The following SPRED2 variants were observed in gnomAD, a reference collection of about 807,000 sequenced individuals.
SPRED2 encodes the protein sprouty related EVH1 domain containing 2, also known as sprouty-related, EVH1 domain-containing protein 2.
Under a neutral mutation model 43.0 loss-of-function variants are expected in SPRED2, and 47 were observed. That is an observed-to-expected ratio of 1.09 (90% CI 0.87 to 1.40). SPRED2 has a LOEUF of 1.40. SPRED2 is among the 40% of genes most tolerant of loss of function. The pLI is 0.00. For synonymous variants in SPRED2, 225 were observed against 225.7 expected (o/e 1.00, Z 0.03); for missense variants, 561 against 586.4 (o/e 0.96, Z 0.45).
At chr2:65,309,498 C>A (rs754568389), downstream of SPRED2, among the ~76,000 whole-genome samples, 10 of 130,528 alleles carry the variant, frequency 7.7e-5, no homozygotes, top group Admixed American at 4.6e-4. Context: ...AGAGTGAGAC[C>A]CTGTCTCAAA....
chr2:65,401,682 C>T (rs1319769630), intron 1 of SPRED2, among the ~76,000 whole-genome samples: 1 of 151,856 alleles, frequency 6.6e-6, no homozygotes, highest in African/African-American at 2.4e-5. Flanking sequence ...CGCCTGTAGT[C>T]CCAGCCACTC....
intron 1 of SPRED2, among the ~76,000 whole-genome samples, chr2:65,372,027 C>A (rs576112505): frequency 6.6e-6 from 1 of 151,786 alleles, no homozygotes; most frequent in Non-Finnish European, 1.5e-5. Context: ...GAACAGAGAT[C>A]GCACCACTGC....
At chr2:65,322,063 C>T (rs1432934137) in intron 4 of SPRED2, among the ~76,000 whole-genome samples, 1 of 151,934 alleles carries the variant, frequency 6.6e-6, no homozygotes, top group African/African-American at 2.4e-5. Context: ...GGATGAGCTA[C>T]CACGCCTGGC....
intron 3 of SPRED2, among the ~76,000 whole-genome samples, chr2:65,333,509 G>C (rs1200971107): frequency 6.6e-6 from 1 of 152,044 alleles, no homozygotes; most frequent in East Asian, 1.9e-4. Flanking sequence ...TATGTATATA[G>C]AGAAAAAAAT....
At chr2:65,407,061 G>A (rs1558687656) in intron 1 of SPRED2, among the ~76,000 whole-genome samples, 1 of 151,858 alleles carries the variant, frequency 6.6e-6, no homozygotes, top group Non-Finnish European at 1.5e-5. Flanking sequence ...CTGAGTAGCT[G>A]GGACTACAGG....
intron 1 of SPRED2, among the ~76,000 whole-genome samples, chr2:65,372,303 A>G (rs1023526100): frequency 2.6e-5 from 4 of 152,186 alleles, no homozygotes; most frequent in Non-Finnish European, 5.9e-5. Context: ...TTGTCTAGAT[A>G]GTCTGAGTTT....
intron 1 of SPRED2, among the ~76,000 whole-genome samples, chr2:65,357,317 G>A (rs890590102): frequency 6.6e-6 from 1 of 152,178 alleles, no homozygotes; most frequent in African/African-American, 2.4e-5. Context: ...TTCCCTCCTG[G>A]AGAGTGGTAT....
chr2:65,407,016 C>T lies in SPRED2; in HGVS notation c.26+24946G>A, dbSNP rs1051334078. On this transcript the variant is annotated intron_variant, in intron 1 of 5. Transcript: ENST00000356388. ...CCATCTCGGCTCACTGCAAGCTCCA[C>T]CTCCTGGGTTCACGCCATTCTCCTG... Among the ~76,000 whole-genome samples, 4 of 151,930 alleles carry T rather than the reference C, an allele frequency of 2.6e-5. No individual in the cohort carries two copies. The South Asian group carries it at 6.2e-4, about 24-fold the overall frequency.
intron 1 of SPRED2, among the ~76,000 whole-genome samples, chr2:65,372,999 C>T (rs977425206): frequency 1.3e-5 from 2 of 152,242 alleles, no homozygotes; most frequent in African/African-American, 2.4e-5. Flanking sequence ...GTAAACCTTT[C>T]ACATGGAAGC....
At chr2:65,381,825 C>A (rs1443009530) in intron 1 of SPRED2, among the ~76,000 whole-genome samples, 1 of 152,192 alleles carries the variant, frequency 6.6e-6, no homozygotes, top group Non-Finnish European at 1.5e-5. Context: ...ACATGAGACT[C>A]CTCCTTGCAA....
chr2:65,408,737 C>T (rs565126730), intron 1 of SPRED2, among the ~76,000 whole-genome samples: 7 of 152,164 alleles, frequency 4.6e-5, no homozygotes, highest in Admixed American at 6.5e-5. Context: ...CGTGCCACCA[C>T]ACCCAGCTAA....
In SPRED2 at chr2:65,310,979, T is replaced by C; in HGVS notation, c.*2522A>G. The C allele has an allele frequency of 3.1e-6, 3 of 983,140 alleles. No homozygotes were observed. The highest frequency in any genetic ancestry group is 3.6e-6 in the Non-Finnish European group (3 of 827,434). 60.9% of individuals were successfully genotyped at this position (983,140 alleles called of 1,614,324 possible). A position where few individuals can be genotyped will look rare whatever the true frequency, so the allele number is the denominator to read the frequency against. On this transcript the variant is annotated 3_prime_UTR_variant, in exon 6 of 6. Transcript: ENST00000356388. The stretch of plus-strand genomic sequence containing the variant: ...ATCATACACTTGTATATATATTTTT[T>C]ACACAGAGGTAAAAAGGCTTATTAT...
At chr2:65,376,239 C>A (rs1481172607) in intron 1 of SPRED2, among the ~76,000 whole-genome samples, 5 of 152,244 alleles carry the variant, frequency 3.3e-5, no homozygotes, top group Non-Finnish European at 7.3e-5. Context: ...CCCATGGGCT[C>A]CAGGAGCCAA....
rs750594491 is a variant in SPRED2, at chr2:65,379,230, TCACCCAC to T, written c.27-34341_27-34335del. Reference sequence around the variant, plus strand: ...CAAGTGTTCCATTGAGTGTTCCCCCTCACCCACCTGAGCATTAAGTGCTAATGTGCAT... The same window carrying T: ...CAAGTGTTCCATTGAGTGTTCCCCCTCTGAGCATTAAGTGCTAATGTGCAT... On this transcript the variant is annotated intron_variant, in intron 1 of 5. Transcript: ENST00000356388. Among the ~76,000 whole-genome samples the T allele has an allele frequency of 8.1e-4, 124 of 152,292 alleles. 1 individual carries two copies. Among genetic ancestry groups the T allele is most frequent in the Middle Eastern group, 6.8e-3 (2 of 294 alleles).
chr2:65,422,104 A>ACACACACACTCTCTCTCTCTCT (rs1299857849), intron 1 of SPRED2, among the ~76,000 whole-genome samples: 1 of 128,940 alleles, frequency 7.8e-6, no homozygotes. Flanking sequence ...ACACACACAC[A>ACACACACACTCTCTCTCTCTCT]CTCTCTCTCT....
In SPRED2 at chr2:65,334,792, C is replaced by G. The variant is rs1250467494; in HGVS notation, c.205-19G>C. ...ATACCACCTGAAGGATGGAAACACA[C>G]AGGCTGGTTACTAGTGGAACAGCCA... On this transcript the variant is annotated intron_variant, in intron 2 of 5. Coordinates refer to ENST00000356388, the MANE Select transcript of SPRED2 (RefSeq NM_181784.3). 1 of 1,613,756 alleles carries G rather than the reference C, an allele frequency of 6.2e-7. No homozygotes were observed. Among genetic ancestry groups the G allele is most frequent in the East Asian group, 2.2e-5 (1 of 44,872 alleles).
chr2:65,400,196 T>G (rs545397718), intron 1 of SPRED2, among the ~76,000 whole-genome samples: 103 of 152,338 alleles, frequency 6.8e-4, no homozygotes, highest in African/African-American at 2.4e-3. Flanking sequence ...AATAGTTATA[T>G]GACACTTTTA....
intron 1 of SPRED2, among the ~76,000 whole-genome samples, chr2:65,421,502 AG>A (rs1276914589): frequency 6.6e-6 from 1 of 152,216 alleles, no homozygotes; most frequent in Admixed American, 6.5e-5. Flanking sequence ...ATGTAAGCTC[AG>A]GTTTGAGAAG....
chr2:65,350,260 T>C (rs937866547), intron 1 of SPRED2, among the ~76,000 whole-genome samples: 1 of 152,148 alleles, frequency 6.6e-6, no homozygotes, highest in East Asian at 1.9e-4. Context: ...GTTTTAAAAA[T>C]TTGCACAAGG....
Sources: allele counts gnomAD v4.1 joint callset (sites outside exome capture counted in the v4.1 genomes callset), GRCh38; gene constraint gnomAD v4.1.1; transcripts MANE v1.5; gene names NCBI Gene and HGNC (gene_info 2026-07-23, HGNC 2026-07-21).